The following PLCB4 variants were observed in gnomAD, a reference collection of about 807,000 sequenced individuals.
The protein encoded by PLCB4 is phospholipase C beta 4.
A neutral mutation model predicts 178.8 loss-of-function variants in PLCB4; 77 were observed. The ratio of observed to expected loss-of-function variants is 0.43; its 90% CI spans 0.36 to 0.52. The LOEUF (loss-of-function observed/expected upper bound fraction) is 0.52, where lower values mean the gene tolerates loss of function less well. Ranked by LOEUF, PLCB4 falls within the 20% of genes least tolerant of loss-of-function variation. The pLI, the probability that PLCB4 is intolerant of heterozygous loss-of-function variation, is 0.00. For synonymous variants in PLCB4, 496 were observed against 490.8 expected (o/e 1.01, Z -0.14); for missense variants, 1,024 against 1,453.4 (o/e 0.70, Z 4.80).
intron 3 of PLCB4, among the ~76,000 whole-genome samples, chr20:9,293,171 TGGAAA>T (rs796273144): frequency 7.6e-4 from 96 of 125,790 alleles, no homozygotes; most frequent in African/African-American, 2.7e-3. Context: ...TGGAATGGAA[TGGAAA>T]GGAAAGGAAA....
At chr20:9,436,242 A>G (rs1186352489) in intron 29 of PLCB4, among the ~76,000 whole-genome samples, 7 of 152,242 alleles carry the variant, frequency 4.6e-5, no homozygotes, top group Non-Finnish European at 1.5e-5. Flanking sequence ...TCTGGTCTCA[A>G]GCATTTCAGA....
intron 2 of PLCB4, among the ~76,000 whole-genome samples, chr20:9,201,363 A>C (rs1478885156): frequency 6.6e-6 from 1 of 152,194 alleles, no homozygotes; most frequent in African/African-American, 2.4e-5. Flanking sequence ...GGATTTTTAT[A>C]CTCATAAAAG....
intron 7 of PLCB4, among the ~76,000 whole-genome samples, chr20:9,339,428 G>T (rs1185956849): frequency 6.6e-6 from 1 of 152,168 alleles, no homozygotes; most frequent in Non-Finnish European, 1.5e-5. Flanking sequence ...CAGTTTGAGT[G>T]ACAAAGGTCT....
rs2036321244 is a variant in PLCB4, at chr20:9,372,372, C to G, written c.655C>G (p.Arg219Gly). Residue 219 changes from arginine to glycine, a missense_variant, in exon 11 of 40, where the codon CGG becomes GGG. Physicochemically the swap from Arg to Gly is moderately radical, Grantham distance 125. Coordinates refer to ENST00000378473, the MANE Select transcript of PLCB4 (RefSeq NM_001377142.1). ...TGAACTGACACAAAAGATTTGTCCT[C>G]GGACAGATATAGAAGATCTTTTCAA... is the stretch of plus-strand genomic sequence containing the variant. ...FYELTQKICPRTDIEDLFKKI... is the reference protein window; with the variant it reads ...FYELTQKICPGTDIEDLFKKI... 6.3e-7 allele frequency: 1 copy of G among 1,594,362 alleles called. No individual in the cohort carries two copies. The highest frequency in any genetic ancestry group is 1.7e-5 in the Admixed American group (1 of 59,546).
chr20:9,408,906 G>A, intron 23 of PLCB4, 151 bp from the exon 24 acceptor site: 1 of 767,566 alleles, frequency 1.3e-6, no homozygotes, highest in Admixed American at 2.6e-5. Flanking sequence ...AGTGAACTGT[G>A]ATCTTAAGCA....
Position 9,088,217 on chromosome 20 carries a change from G to A in PLCB4, c.-134-8070G>A, listed in dbSNP as rs1222099192. ...TTTTTGCCTTCCTTATGAGGTGTTA[G>A]AGAGAGAAGGAAAGGGATCTGTTGA... On this transcript the variant is annotated intron_variant, in intron 1 of 39. Coordinates refer to ENST00000378473, the MANE Select transcript of PLCB4 (RefSeq NM_001377142.1). Among the ~76,000 whole-genome samples the A allele has an allele frequency of 2.0e-5, 3 of 149,182 alleles. No individual in the cohort carries two copies. In the South Asian group the frequency reaches 6.3e-4, roughly 31 times the overall value.
intron 3 of PLCB4, among the ~76,000 whole-genome samples, chr20:9,307,110 A>G (rs926061618): frequency 1.2e-4 from 18 of 151,908 alleles, no homozygotes; most frequent in African/African-American, 4.3e-4. Flanking sequence ...GAGGGGCCAG[A>G]CTCCTCTCTG....
intron 1 of PLCB4, among the ~76,000 whole-genome samples, chr20:9,073,304 A>G (rs2089663028): frequency 6.6e-6 from 1 of 152,168 alleles, no homozygotes; most frequent in South Asian, 2.1e-4. Context: ...TACATTTGAC[A>G]TCTCCCTTTC....
At chr20:9,172,764 A>G (rs2093085766) in intron 2 of PLCB4, among the ~76,000 whole-genome samples, 1 of 152,180 alleles carries the variant, frequency 6.6e-6, no homozygotes, top group African/African-American at 2.4e-5. Flanking sequence ...CGCCCTAAGA[A>G]CAGAATTAAC....
At chr20:9,217,762 A>G (rs555535743) in intron 3 of PLCB4, among the ~76,000 whole-genome samples, 10 of 152,296 alleles carry the variant, frequency 6.6e-5, no homozygotes, top group African/African-American at 9.6e-5. Flanking sequence ...ATTGTCTACA[A>G]TTCTTTCTGG....
At chr20:9,273,266 G>A (rs368366929) in intron 3 of PLCB4, among the ~76,000 whole-genome samples, 26 of 152,198 alleles carry the variant, frequency 1.7e-4, no homozygotes, top group African/African-American at 3.9e-4. Flanking sequence ...ACAATGAAAC[G>A]TCAGAACTTC....
chr20:9,363,089 A>C lies in PLCB4; in HGVS notation c.449+114A>C, dbSNP rs2035488096. ...CAAATTCCTGCTTGCCTTTCCCTCC[A>C]TGCTCCTGACCTTGGAGTTGACCAA... On this transcript the variant is annotated intron_variant, in intron 8 of 39. Coordinates refer to ENST00000378473, the MANE Select transcript of PLCB4 (RefSeq NM_001377142.1). 5 of 750,756 alleles carry C rather than the reference A, an allele frequency of 6.7e-6. No homozygotes were observed. In the Admixed American group the frequency reaches 8.0e-5, roughly 12 times the overall value. 46.5% of individuals were successfully genotyped at this position (750,756 alleles called of 1,614,324 possible). A position where few individuals can be genotyped will look rare whatever the true frequency, so the allele number is the denominator to read the frequency against.
rs971858566 is a variant in PLCB4, at chr20:9,306,874, A to G, written c.-15-926A>G. On this transcript the variant is annotated intron_variant, in intron 3 of 39. Transcript: ENST00000378473. ...TCTTTAAATGTCCTACTCACTGTCT[A>G]TAATAAAACTGTTGCAGGACTTTTC... 7.2e-5 allele frequency among the ~76,000 whole-genome samples: 11 copies of G among 152,298 alleles called. No individual in the cohort carries two copies. In the East Asian group the frequency reaches 1.2e-3, roughly 16 times the overall value.
At chr20:9,330,045 G>A (rs1050130160) in intron 4 of PLCB4, among the ~76,000 whole-genome samples, 15 of 152,238 alleles carry the variant, frequency 9.9e-5, no homozygotes, top group African/African-American at 3.4e-4. Context: ...CGGTGTTTGT[G>A]CAGAATCACA....
intron 28 of PLCB4, among the ~76,000 whole-genome samples, chr20:9,434,901 G>T (rs1452298399): frequency 2.0e-5 from 3 of 152,140 alleles, no homozygotes; most frequent in Non-Finnish European, 4.4e-5. Flanking sequence ...GCCTTCTATA[G>T]TATGAGTAAA....
intron 20 of PLCB4, among the ~76,000 whole-genome samples, chr20:9,403,474 C>A (rs1384007013): frequency 6.6e-6 from 1 of 152,046 alleles, no homozygotes; most frequent in Non-Finnish European, 1.5e-5. Context: ...AAATCTTAGA[C>A]AAATTAAATT....
At chr20:9,424,039 A>G (rs1051033916) in intron 28 of PLCB4, 87 bp downstream of exon 28, 18 of 904,182 alleles carry the variant, frequency 2.0e-5, no homozygotes, top group Middle Eastern at 3.3e-4. Flanking sequence ...GCTTTAAAAA[A>G]CAATAAAAAT....
At chr20:9,467,207 C>T (rs994919549) in intron 35 of PLCB4, among the ~76,000 whole-genome samples, 2 of 152,138 alleles carry the variant, frequency 1.3e-5, no homozygotes, top group South Asian at 4.1e-4. Flanking sequence ...TATGTTCTTA[C>T]TCATAGGTGG....
intron 7 of PLCB4, among the ~76,000 whole-genome samples, chr20:9,347,353 A>T (rs1427461210): frequency 6.6e-6 from 1 of 152,148 alleles, no homozygotes; most frequent in African/African-American, 2.4e-5. Context: ...AATGTTGGCA[A>T]CTCATTTTTT....
Sources: gnomAD v4.1 joint callset for allele counts (sites outside exome capture counted in the v4.1 genomes callset) on GRCh38, gnomAD v4.1.1 for gene constraint, MANE v1.5 for transcripts, NCBI Gene and HGNC (gene_info 2026-07-23, HGNC 2026-07-21) for gene names.